Variants in SEC23A observed in about 807,000 individuals in gnomAD.
The protein encoded by SEC23A is protein transport protein Sec23A.
A neutral mutation model predicts 103.7 loss-of-function variants in SEC23A; 56 were observed. That is an observed-to-expected ratio of 0.54 (90% confidence interval 0.44 to 0.67). The LOEUF (loss-of-function observed/expected upper bound fraction) is 0.67, where lower values mean the gene tolerates loss of function less well. Among genes scored for constraint, SEC23A ranks in the 30% least tolerant of loss-of-function variants. SEC23A has a pLI of 0.00. For missense variants in SEC23A, 784 were observed against 936.4 expected (o/e 0.84, Z 2.12); for synonymous variants, 281 against 293.0 (o/e 0.96, Z 0.42).
chr14:39,094,797 A>C, intron 2 of SEC23A: 1 of 507,758 alleles, frequency 2.0e-6, no homozygotes, highest in Non-Finnish European at 3.4e-6. Context: ...AGAATCAGAA[A>C]GAGGGTAACA....
rs1242407974 is a variant in SEC23A at position 39,094,397 on chromosome 14, CATATATATATAT to C, written c.222-1165_222-1154del. On this transcript the variant is annotated intron_variant, in intron 2 of 19. Transcript: ENST00000307712. ...ATACACACACACACACACACACACA[CATATATATATAT>C]ATATATATATATATATATATATATA... Among the ~76,000 whole-genome samples the C allele has an allele frequency of 7.1e-3, 56 of 7,910 alleles. 5 individuals carry two copies. Among genetic ancestry groups the C allele is most frequent in the East Asian group, 0.017 (4 of 234 alleles). 5.2% of individuals were successfully genotyped at this position (7,910 alleles called of 152,430 possible).
At chr14:39,092,710 T>A (rs1887702978) in intron 3 of SEC23A, 83 bp from the exon 4 acceptor site, 1 of 772,080 alleles carries the variant, frequency 1.3e-6, no homozygotes, top group East Asian at 2.8e-5. Context: ...TATTTCCTGA[T>A]CATTTAATTA....
chr14:39,073,493 C>T (rs1446113297), intron 9 of SEC23A, among the ~76,000 whole-genome samples: 1 of 151,434 alleles, frequency 6.6e-6, no homozygotes, highest in Non-Finnish European at 1.5e-5. Flanking sequence ...AGGGTTTCAC[C>T]ATGTTGGCCA....
Position 39,093,208 on chromosome 14 carries a change from G to C in SEC23A, c.258C>G (p.Asn86Lys). The change falls in exon 3 of 20, where the codon AAC becomes AAG. Residue 86 changes from asparagine (N) to lysine (K), a missense_variant. Around this residue, in one of 2 missense-constraint regions of SEC23A, gnomAD observed 683 missense variants for 774.2 expected, o/e 0.88. Transcript: ENST00000307712. ...TTACCTGATTCCTTTGGTAACAAAAGTTGCAAGCCCAAAGTTTTGCTCGAT... is the reference window on the plus strand; with the variant it reads ...TTACCTGATTCCTTTGGTAACAAAACTTGCAAGCCCAAAGTTTTGCTCGAT... ...VDYRAKLWACNFCYQRNQFPP... is the reference protein window; with the variant it reads ...VDYRAKLWACKFCYQRNQFPP... 1.2e-6 allele frequency: 2 copies of C among 1,612,432 alleles called. No homozygotes were observed. Among genetic ancestry groups the C allele is most frequent in the Non-Finnish European group, 8.5e-7 (1 of 1,179,584 alleles).
chr14:39,053,731 C>T (rs143189764), intron 14 of SEC23A, among the ~76,000 whole-genome samples: 1 of 152,092 alleles, frequency 6.6e-6, no homozygotes, highest in Non-Finnish European at 1.5e-5. Context: ...CACAGAAATT[C>T]GACAGCTTAG....
chr14:39,049,175 T>TAAA (rs57579296), intron 14 of SEC23A, among the ~76,000 whole-genome samples: 1 of 138,424 alleles, frequency 7.2e-6, no homozygotes, highest in Non-Finnish European at 1.6e-5. Context: ...CCATCGCTAT[T>TAAA]AAAAAAAAAA....
At chr14:39,086,216 C>T (rs909184236) in intron 6 of SEC23A, among the ~76,000 whole-genome samples, 3 of 152,086 alleles carry the variant, frequency 2.0e-5, no homozygotes, top group Admixed American at 6.6e-5. Flanking sequence ...CCACAATAAA[C>T]GAAACACTCA....
At chr14:39,081,756 T>C (rs1290538061) in intron 7 of SEC23A, among the ~76,000 whole-genome samples, 2 of 152,176 alleles carry the variant, frequency 1.3e-5, no homozygotes, top group Non-Finnish European at 2.9e-5. Context: ...GTTTTTAATA[T>C]AAAATTTTTT....
intron 1 of SEC23A, among the ~76,000 whole-genome samples, chr14:39,101,124 G>A (rs1375817246): frequency 6.6e-6 from 1 of 152,100 alleles, no homozygotes; most frequent in Non-Finnish European, 1.5e-5. Context: ...GATTACAGGC[G>A]TAAACTGCCG....
chr14:39,038,288 G>C (rs922691713), intron 19 of SEC23A, among the ~76,000 whole-genome samples: 1 of 152,022 alleles, frequency 6.6e-6, no homozygotes. Context: ...ACCACTATGT[G>C]ACCTCTTGCC....
intron 13 of SEC23A, among the ~76,000 whole-genome samples, chr14:39,060,113 G>GTT (rs976727588): frequency 6.6e-6 from 1 of 151,796 alleles, no homozygotes; most frequent in African/African-American, 2.4e-5. Flanking sequence ...ATGTGTGTGT[G>GTT]TGTGCACACA....
chr14:39,084,007 T>C (rs1294491395), intron 7 of SEC23A, among the ~76,000 whole-genome samples: 4 of 152,094 alleles, frequency 2.6e-5, no homozygotes, highest in African/African-American at 4.8e-5. Flanking sequence ...TTAAAAAACA[T>C]TTTTAAAAAC....
In SEC23A at chr14:39,061,984, G is replaced by A. The variant is rs1231369821; in HGVS notation, c.1399-113C>T. ...TAATTCATTCTAAAATTGATTAGAA[G>A]GATACTTATTTCCAGTGCATTCAAA... On this transcript the variant is annotated intron_variant, in intron 12 of 19. Coordinates refer to ENST00000307712, the MANE Select transcript of SEC23A (RefSeq NM_006364.4). 5.4e-6 allele frequency: 4 copies of A among 739,766 alleles called. No homozygotes were observed. In the Admixed American group the frequency reaches 7.8e-5, roughly 15 times the overall value. 45.8% of individuals were successfully genotyped at this position (739,766 alleles called of 1,614,324 possible).
At chr14:39,036,335 A>AT (rs1885460282) in intron 19 of SEC23A, among the ~76,000 whole-genome samples, 1 of 146,642 alleles carries the variant, frequency 6.8e-6, no homozygotes, top group Non-Finnish European at 1.5e-5. Flanking sequence ...AAAAAAAAAA[A>AT]AAAAAAAAAA....
chr14:39,066,152 A>C (rs765624118), intron 10 of SEC23A, among the ~76,000 whole-genome samples: 3 of 151,922 alleles, frequency 2.0e-5, no homozygotes, highest in Non-Finnish European at 4.4e-5. Context: ...TATTACATGC[A>C]GTGTTTTCTT....
chr14:39,063,287 G>A (rs779433684), intron 12 of SEC23A, 37 bp downstream of exon 12: 18 of 1,196,572 alleles, frequency 1.5e-5, no homozygotes, highest in South Asian at 3.6e-5. Context: ...TCAAATGTAC[G>A]TTGTACGTTT....
chr14:39,081,934 C>T (rs1887241968), intron 7 of SEC23A, among the ~76,000 whole-genome samples: 1 of 152,062 alleles, frequency 6.6e-6, no homozygotes, highest in African/African-American at 2.4e-5. Context: ...TAAGGGTGCA[C>T]ATGAAGCATT....
chr14:39,067,189 C>G lies in SEC23A; in HGVS notation c.1211G>C (p.Gly404Ala). 1.9e-6 allele frequency: 3 copies of G among 1,613,716 alleles called. No homozygotes were observed. The highest frequency in any genetic ancestry group is 2.5e-6 in the Non-Finnish European group (3 of 1,179,842). The change falls in exon 10 of 20, where the codon GGT becomes GCT. Residue 404 changes from glycine to alanine, a missense_variant. Physicochemically the swap from Gly to Ala is moderately conservative, Grantham distance 60. Coordinates refer to ENST00000307712, the MANE Select transcript of SEC23A (RefSeq NM_006364.4). ...GGTTCTTACCTTTATTTCTAGCGTA[C>G]CACCAAAGCCCATTTTAAACTGTCC... is the stretch of plus-strand genomic sequence containing the variant. ...MHGQFKMGFG[G>A]TLEIKTSREI...
chr14:39,062,016 A>C (rs913392747), intron 12 of SEC23A, 145 bp from the exon 13 acceptor site: 1 of 655,372 alleles, frequency 1.5e-6, no homozygotes, highest in Non-Finnish European at 2.8e-6. Flanking sequence ...CAAAACAGTT[A>C]TAATTTGTTA....
Sources: allele counts gnomAD v4.1 joint callset (sites outside exome capture counted in the v4.1 genomes callset), GRCh38; gene constraint gnomAD v4.1.1; regional missense constraint gnomAD v4.1.1; transcripts MANE v1.5; gene names NCBI Gene and HGNC (gene_info 2026-07-23, HGNC 2026-07-21).